CALN1: variants seen among roughly 807,000 people sequenced by gnomAD.
CALN1 encodes the protein calneuron 1, also known as calcium-binding protein 8.
CALN1 carries 17 observed loss-of-function variants against 30.6 expected under a neutral mutation model. The observed-to-expected ratio is 0.56, with a 90% CI of 0.38 to 0.83. The LOEUF is 0.83. Among genes scored for constraint, CALN1 ranks in the 40% least tolerant of loss-of-function variants. The pLI, the probability that CALN1 is intolerant of heterozygous loss-of-function variation, is 0.00. For synonymous variants in CALN1, 156 were observed against 131.4 expected, an observed-to-expected ratio of 1.19 and a Z score of -1.28; for missense variants, 291 against 354.9, an observed-to-expected ratio of 0.82 and a Z score of 1.45.
rs185428404 is a variant in CALN1, at chr7:72,055,587, A to G, written c.389-31818T>C. Among the ~76,000 whole-genome samples, 851 of 152,334 alleles carry G rather than the reference A, an allele frequency of 5.6e-3. 3 individuals are homozygous for G. Among genetic ancestry groups the G allele is most frequent in the African/African-American group, 0.019 (809 of 41,584 alleles). ...CCAGAAAGATTCAAATAAAATTGCA[A>G]CAGACAAAAACTATGTAGCAACAAA... On this transcript the variant is annotated intron_variant, in intron 4 of 6. Transcript: ENST00000395275.
Position 71,784,881 on chromosome 7 carries a change from A to C in CALN1, c.*2894T>G. 5.0e-6 allele frequency: 2 copies of C among 398,746 alleles called. No homozygotes were observed. The highest frequency in any genetic ancestry group is 4.4e-6 in the Non-Finnish European group (1 of 226,154). 24.7% of individuals were successfully genotyped at this position (398,746 alleles called of 1,614,324 possible). A position where few individuals can be genotyped will look rare whatever the true frequency, so the allele number is the denominator to read the frequency against. ...TTCAGCCGTGAGCTTCATAGCCACCATGATGGGGACACTGACTGGCATGGG... is the reference window on the plus strand; with the variant it reads ...TTCAGCCGTGAGCTTCATAGCCACCCTGATGGGGACACTGACTGGCATGGG... On this transcript the variant is annotated 3_prime_UTR_variant, in exon 7 of 7. Transcript: ENST00000395275.
intron 4 of CALN1, among the ~76,000 whole-genome samples, chr7:72,075,803 G>A (rs844746): frequency 0.022 from 3,290 of 152,234 alleles, 110 homozygotes; most frequent in African/African-American, 0.074. Flanking sequence ...CTCAGGCCAT[G>A]GGAGGTTAGG....
chr7:72,177,370 T>C (rs939602228), intron 3 of CALN1, among the ~76,000 whole-genome samples: 1 of 152,160 alleles, frequency 6.6e-6, no homozygotes, highest in African/African-American at 2.4e-5. Context: ...CCAGAGGGTC[T>C]ATGTAAGACT....
chr7:72,209,326 C>G (rs796916573), intron 3 of CALN1, among the ~76,000 whole-genome samples: 1 of 3,926 alleles, frequency 2.5e-4, no homozygotes, highest in African/African-American at 1.7e-3. Context: ...CCCTCCTTCC[C>G]TCTTTCCTTC....
intron 5 of CALN1, among the ~76,000 whole-genome samples, chr7:71,835,277 G>A (rs765352839): frequency 2.6e-5 from 4 of 152,194 alleles, no homozygotes; most frequent in Non-Finnish European, 4.4e-5. Flanking sequence ...ATGGCACTTG[G>A]ATAAGTCACA....
chr7:71,959,100 G>C lies in CALN1; in HGVS notation c.501+64557C>G, dbSNP rs1797110831. Reference sequence around the variant, plus strand: ...GAAGCTGTGGCACTATCAAAGGCTAGGAGAGAAAGCAAACTGAATGGCTTG... The same window carrying C: ...GAAGCTGTGGCACTATCAAAGGCTACGAGAGAAAGCAAACTGAATGGCTTG... On this transcript the variant is annotated intron_variant, in intron 5 of 6. Transcript: ENST00000395275. 2.0e-5 allele frequency among the ~76,000 whole-genome samples: 3 copies of C among 152,194 alleles called. No homozygotes were observed. The South Asian group carries it at 6.2e-4, about 32-fold the overall frequency.
intron 2 of CALN1, among the ~76,000 whole-genome samples, chr7:72,362,558 C>T (rs1803633463): frequency 6.6e-6 from 1 of 152,138 alleles, no homozygotes; most frequent in Admixed American, 6.5e-5. Flanking sequence ...GATGCAAATT[C>T]TTTCACAGAT....
At chr7:72,408,402 G>A (rs552698277) in intron 1 of CALN1, among the ~76,000 whole-genome samples, 2 of 151,956 alleles carry the variant, frequency 1.3e-5, no homozygotes, top group African/African-American at 4.8e-5. Flanking sequence ...CTGAGATCAC[G>A]CCACTACACT....
intron 3 of CALN1, among the ~76,000 whole-genome samples, chr7:72,155,947 C>T (rs1029503108): frequency 1.3e-5 from 2 of 152,144 alleles, no homozygotes; most frequent in African/African-American, 4.8e-5. Context: ...CTCTAATCTC[C>T]TGCCTCACTC....
intron 3 of CALN1, among the ~76,000 whole-genome samples, chr7:72,121,280 TA>T (rs1327213163): frequency 2.2e-4 from 31 of 141,844 alleles, no homozygotes; most frequent in African/African-American, 2.6e-5. Context: ...TATTATATAA[TA>T]ATATATAAAT....
intron 4 of CALN1, among the ~76,000 whole-genome samples, chr7:72,042,464 A>G (rs1802188723): frequency 6.6e-6 from 1 of 152,160 alleles, no homozygotes; most frequent in South Asian, 2.1e-4. Context: ...GCGGCAATAG[A>G]TGTGAAATGC....
At position 71,780,508 on chromosome 7, in the gene CALN1, A is replaced by T. The variant is rs1197527787; in HGVS notation, c.*7267T>A. The T allele has an allele frequency of 6.6e-6, 1 of 152,354 alleles. No homozygotes were observed. The highest frequency in any genetic ancestry group is 6.5e-5 in the Admixed American group (1 of 15,276). The allele number at this position is 152,354 out of a possible 1,614,324, so 9.4% of individuals were successfully genotyped here. Reference sequence around the variant, plus strand: ...CTGGTCATGGGTGGGCCACATCAAAAGCAGGCACCGCTCAGCACTCAGCAT... The same window carrying T: ...CTGGTCATGGGTGGGCCACATCAAATGCAGGCACCGCTCAGCACTCAGCAT... On this transcript the variant is annotated 3_prime_UTR_variant, in exon 7 of 7. Transcript: ENST00000395275.
intron 5 of CALN1, among the ~76,000 whole-genome samples, chr7:71,930,859 C>A (rs1216045051): frequency 6.6e-6 from 1 of 152,188 alleles, no homozygotes; most frequent in Non-Finnish European, 1.5e-5. Flanking sequence ...TGCTTAATTG[C>A]TTTTCAAGTG....
chr7:71,928,128 T>C lies in CALN1; in HGVS notation c.501+95529A>G, dbSNP rs1795361702. On this transcript the variant is annotated intron_variant, in intron 5 of 6. Transcript: ENST00000395275. ...CTCTGTCTTCAATATGGAGGAGGGC[T>C]TTCTCTCACCTCCTGCCCCATCACC... 1.3e-5 allele frequency among the ~76,000 whole-genome samples: 2 copies of C among 152,162 alleles called. 1 individual carries two copies. The highest frequency in any genetic ancestry group is 2.9e-5 in the Non-Finnish European group (2 of 68,028).
At chr7:71,883,497 A>G (rs75713920) in intron 5 of CALN1, among the ~76,000 whole-genome samples, 6,101 of 152,272 alleles carry the variant, frequency 0.04, 181 homozygotes, top group Non-Finnish European at 0.061. Flanking sequence ...TGTTAGGAAC[A>G]TAATGAGCAG....
intron 3 of CALN1, among the ~76,000 whole-genome samples, chr7:72,238,486 T>G (rs754170125): frequency 5.9e-5 from 9 of 152,170 alleles, no homozygotes; most frequent in Non-Finnish European, 8.8e-5. Flanking sequence ...CCCTAGAAAT[T>G]CATGGAATAA....
intron 5 of CALN1, among the ~76,000 whole-genome samples, chr7:71,909,123 C>T (rs1794294916): frequency 6.6e-6 from 1 of 152,104 alleles, no homozygotes; most frequent in African/African-American, 2.4e-5. Context: ...CTCAAGCGAT[C>T]TTCCCACCTC....
chr7:72,433,229 A>G (rs777461840), intron 1 of CALN1, among the ~76,000 whole-genome samples: 3 of 152,168 alleles, frequency 2.0e-5, no homozygotes, highest in Non-Finnish European at 2.9e-5. Context: ...GTAGCAGCCT[A>G]AAGTGTCCCC....
chr7:72,420,451 C>T (rs1235890354), intron 1 of CALN1, among the ~76,000 whole-genome samples: 1 of 151,678 alleles, frequency 6.6e-6, no homozygotes, highest in Middle Eastern at 3.4e-3. Flanking sequence ...ATCTAGGGCT[C>T]CCCTTAAGGA....
Sources: gnomAD v4.1 joint callset for allele counts (sites outside exome capture counted in the v4.1 genomes callset) on GRCh38, gnomAD v4.1.1 for gene constraint, MANE v1.5 for transcripts, NCBI Gene and HGNC (gene_info 2026-07-23, HGNC 2026-07-21) for gene names.